The following GALNT2 variants were observed in gnomAD, a reference collection of about 807,000 sequenced individuals.
The protein encoded by GALNT2 is UDP-GalNAc:polypeptide N-acetylgalactosaminyltransferase 2.
Under a neutral mutation model 81.4 loss-of-function variants are expected in GALNT2, and 31 were observed. The observed-to-expected ratio is 0.38, with a 90% CI of 0.29 to 0.51. GALNT2 has a LOEUF of 0.51. Among genes scored for constraint, GALNT2 ranks in the 20% least tolerant of loss-of-function variants. The probability of loss-of-function intolerance (pLI) is 0.87; values close to 1 mark genes in which losing one functional copy is unlikely to be tolerated. For missense variants in GALNT2, 629 were observed against 765.7 expected (o/e 0.82, Z 2.11); for synonymous variants, 303 against 287.4 (o/e 1.05, Z -0.55).
At chr1:230,141,788 CTTTTTT>C (rs60824749) in intron 1 of GALNT2, among the ~76,000 whole-genome samples, 10 of 101,318 alleles carry the variant, frequency 9.9e-5, no homozygotes, top group Admixed American at 1.3e-4. Context: ...TTTTGTTTTC[CTTTTTT>C]TTTTTTTTTT....
chr1:230,148,314 C>T (rs1371515653), intron 1 of GALNT2, among the ~76,000 whole-genome samples: 1 of 152,246 alleles, frequency 6.6e-6, no homozygotes, highest in Non-Finnish European at 1.5e-5. Context: ...AGCCAGAAAC[C>T]TGATAGGGAA....
At chr1:230,131,639 G>A (rs923880476) in intron 1 of GALNT2, among the ~76,000 whole-genome samples, 4 of 152,156 alleles carry the variant, frequency 2.6e-5, no homozygotes, top group Admixed American at 6.5e-5. Context: ...TGATGTCAGC[G>A]TTTAGCTCCG....
chr1:230,092,842 G>C (rs1020054850), intron 1 of GALNT2, among the ~76,000 whole-genome samples: 3 of 152,252 alleles, frequency 2.0e-5, no homozygotes, highest in Admixed American at 6.5e-5. Context: ...TCAAATTTAG[G>C]GGGTAGAGGG....
At chr1:230,100,281 T>C (rs1660362828) in intron 1 of GALNT2, among the ~76,000 whole-genome samples, 1 of 150,694 alleles carries the variant, frequency 6.6e-6, no homozygotes, top group Non-Finnish European at 1.5e-5. Flanking sequence ...ATGTGCAGGA[T>C]GGGGGATGCC....
At chr1:230,090,693 T>C (rs553174254) in intron 1 of GALNT2, among the ~76,000 whole-genome samples, 2 of 152,384 alleles carry the variant, frequency 1.3e-5, no homozygotes, top group South Asian at 4.1e-4. Flanking sequence ...TTCTGTGCGG[T>C]TGTGTATGTG....
At chr1:230,186,084 GA>G (rs1663326467) in intron 2 of GALNT2, among the ~76,000 whole-genome samples, 1 of 152,232 alleles carries the variant, frequency 6.6e-6, no homozygotes, top group East Asian at 1.9e-4. Flanking sequence ...TGTTAGGACG[GA>G]ATAACGACTT....
rs78574590 is a variant in GALNT2 at position 230,207,243 on chromosome 1, A to C, written c.374+3953A>C. 3.3e-3 allele frequency among the ~76,000 whole-genome samples: 499 copies of C among 152,190 alleles called. 1 individual carries two copies. The highest frequency in any genetic ancestry group is 0.01 in the African/African-American group (431 of 41,520). The stretch of plus-strand genomic sequence containing the variant: ...ATCATAAAAGAATACAGGAGAAGGA[A>C]AGGGGGATATTTAAGTATAAAGGTC... On this transcript the variant is annotated intron_variant, in intron 3 of 15. Transcript: ENST00000366672.
chr1:230,125,900 C>G (rs751159553), intron 1 of GALNT2, among the ~76,000 whole-genome samples: 32 of 152,242 alleles, frequency 2.1e-4, no homozygotes, highest in Non-Finnish European at 2.9e-4. Context: ...ATGTCTCTCT[C>G]CTGTCTTTCT....
At chr1:230,142,235 C>T (rs1661765943) in intron 1 of GALNT2, among the ~76,000 whole-genome samples, 1 of 152,142 alleles carries the variant, frequency 6.6e-6, no homozygotes, top group Non-Finnish European at 1.5e-5. Flanking sequence ...GTCCACCAGG[C>T]CACAGGAAGC....
At chr1:230,251,994 G>A (rs1261639723) in intron 10 of GALNT2, among the ~76,000 whole-genome samples, 2 of 152,132 alleles carry the variant, frequency 1.3e-5, no homozygotes, top group African/African-American at 4.8e-5. Flanking sequence ...GAGCGGTTCA[G>A]GTTGGGGTGA....
chr1:230,141,788 C>CTTTTTTTTTTTTTTTTTT (rs60824749), intron 1 of GALNT2, among the ~76,000 whole-genome samples: 4 of 101,332 alleles, frequency 3.9e-5, no homozygotes, highest in East Asian at 3.3e-4. Context: ...TTTTGTTTTC[C>CTTTTTTTTTTTTTTTTTT]TTTTTTTTTT....
intron 2 of GALNT2, among the ~76,000 whole-genome samples, chr1:230,191,499 A>T (rs1319601753): frequency 1.3e-5 from 2 of 152,174 alleles, no homozygotes; most frequent in African/African-American, 4.8e-5. Context: ...AGCAGAAATT[A>T]GAGGGAAGCA....
intron 1 of GALNT2, among the ~76,000 whole-genome samples, chr1:230,146,907 G>A (rs1397825600): frequency 6.6e-6 from 1 of 152,192 alleles, no homozygotes; most frequent in East Asian, 1.9e-4. Flanking sequence ...GTCCAGAGCT[G>A]GCTACCGCCT....
intron 14 of GALNT2, among the ~76,000 whole-genome samples, chr1:230,267,019 A>G (rs1666055720): frequency 7.9e-6 from 1 of 125,878 alleles, no homozygotes; most frequent in African/African-American, 3.3e-5. Context: ...CACACACACA[A>G]TAGCACATAT....
intron 1 of GALNT2, among the ~76,000 whole-genome samples, chr1:230,163,164 AAACAACAAC>A (rs35261001): frequency 4.0e-5 from 6 of 151,250 alleles, no homozygotes; most frequent in East Asian, 3.9e-4. Context: ...CTCCGCATTA[AAACAACAAC>A]AACAACAACA....
chr1:230,220,772 A>G (rs963900880), intron 3 of GALNT2, among the ~76,000 whole-genome samples: 3 of 152,242 alleles, frequency 2.0e-5, no homozygotes, highest in Admixed American at 2.0e-4. Flanking sequence ...CCCTAAGGAA[A>G]TCATGGTATG....
intron 10 of GALNT2, among the ~76,000 whole-genome samples, chr1:230,253,579 A>G (rs749878255): frequency 6.6e-6 from 1 of 152,230 alleles, no homozygotes. Context: ...AATTGTGCAT[A>G]TTCATGGGAT....
chr1:230,218,356 A>G (rs571944408), intron 3 of GALNT2, among the ~76,000 whole-genome samples: 1 of 152,224 alleles, frequency 6.6e-6, no homozygotes, highest in Non-Finnish European at 1.5e-5. Context: ...TGCTGGCACC[A>G]GGTCTCCCAT....
chr1:230,153,632 C>G (rs1389864179), intron 1 of GALNT2, among the ~76,000 whole-genome samples: 1 of 152,188 alleles, frequency 6.6e-6, no homozygotes, highest in Non-Finnish European at 1.5e-5. Flanking sequence ...CCCCTAAGTA[C>G]CCTTCCAGCC....
Sources: allele counts gnomAD v4.1 joint callset (sites outside exome capture counted in the v4.1 genomes callset), GRCh38; gene constraint gnomAD v4.1.1; transcripts MANE v1.5; gene names NCBI Gene and HGNC (gene_info 2026-07-23, HGNC 2026-07-21).